SH3BGRL2: variants seen among roughly 807,000 people sequenced by gnomAD.
SH3BGRL2 encodes SH3 domain-binding glutamic acid-rich-like protein 2.
SH3BGRL2 carries 21 observed loss-of-function variants against 14.8 expected under a neutral mutation model. The observed-to-expected ratio is 1.42, with a 90% CI of 1.01 to 2.05. SH3BGRL2 has a LOEUF of 2.05. Ranked by LOEUF, SH3BGRL2 falls within the 30% of genes most tolerant of loss-of-function variation. The pLI, the probability that SH3BGRL2 is intolerant of heterozygous loss-of-function variation, is 0.00. For synonymous variants in SH3BGRL2, 50 were observed against 47.8 expected (o/e 1.05, Z -0.19); for missense variants, 147 against 130.8 (o/e 1.12, Z -0.61).
chr6:79,566,035 A>T, the SH3BGRL2 span, among the ~76,000 whole-genome samples: 7 of 152,176 alleles, frequency 4.6e-5, no homozygotes, highest in East Asian at 1.2e-3. Flanking sequence ...TCTAGTATTA[A>T]CTGAGATGAG....
At chr6:79,586,176 A>G in the SH3BGRL2 span, among the ~76,000 whole-genome samples, 2 of 150,848 alleles carry the variant, frequency 1.3e-5, no homozygotes, top group African/African-American at 4.9e-5. Flanking sequence ...AGCCTGGGCA[A>G]CAAGAGCGAA....
At chr6:79,573,297 T>A in the SH3BGRL2 span, among the ~76,000 whole-genome samples, 1 of 152,182 alleles carries the variant, frequency 6.6e-6, no homozygotes, top group Admixed American at 6.5e-5. Context: ...AAATCTCAAG[T>A]TTCCATACGG....
the SH3BGRL2 span, among the ~76,000 whole-genome samples, chr6:79,559,087 C>T: frequency 6.6e-6 from 1 of 152,084 alleles, no homozygotes; most frequent in Non-Finnish European, 1.5e-5. Flanking sequence ...TCATTCATTC[C>T]AGGTGTTCTC....
At chr6:79,602,207 A>T in the SH3BGRL2 span, among the ~76,000 whole-genome samples, 2 of 152,224 alleles carry the variant, frequency 1.3e-5, no homozygotes, top group African/African-American at 4.8e-5. Flanking sequence ...TAAACATTTC[A>T]AAAACGGTCT....
chr6:79,656,912 TTAAAA>T (rs1368223361), intron 1 of SH3BGRL2, among the ~76,000 whole-genome samples: 4 of 152,134 alleles, frequency 2.6e-5, no homozygotes, highest in Non-Finnish European at 4.4e-5. Context: ...TAACTATATA[TTAAAA>T]TAAAGAACAT....
chr6:79,600,486 G>A, the SH3BGRL2 span, among the ~76,000 whole-genome samples: 1 of 152,140 alleles, frequency 6.6e-6, no homozygotes, highest in Non-Finnish European at 1.5e-5. Flanking sequence ...GTGTGGTGAA[G>A]GACACTCTGC....
the SH3BGRL2 span, among the ~76,000 whole-genome samples, chr6:79,607,246 G>A: frequency 1.3e-5 from 2 of 152,142 alleles, no homozygotes; most frequent in African/African-American, 2.4e-5. Flanking sequence ...CAAAACCACA[G>A]CCTTGCAATA....
At position 79,673,611 on chromosome 6, in the gene SH3BGRL2, T is replaced by C. The variant is rs201817738; in HGVS notation, c.46-3T>C. 3.0e-4 allele frequency: 485 copies of C among 1,613,670 alleles called. No individual in the cohort carries two copies. The highest frequency in any genetic ancestry group is 1.3e-3 in the Middle Eastern group (8 of 6,058). ...TACTTATTTGTTTGTCTTCTCTCTT[T>C]AGATAAAGAAGAAGCAGCAAGATGT... is the stretch of plus-strand genomic sequence containing the variant. On this transcript the variant is annotated splice_polypyrimidine_tract_variant and splice_region_variant and intron_variant, in intron 1 of 3. Transcript: ENST00000369838.
At chr6:79,576,709 T>C in the SH3BGRL2 span, among the ~76,000 whole-genome samples, 1 of 152,158 alleles carries the variant, frequency 6.6e-6, no homozygotes, top group East Asian at 1.9e-4. Flanking sequence ...TTAAAAAATT[T>C]ATAAACCCAT....
chr6:79,659,958 A>G (rs1769509452), intron 1 of SH3BGRL2, among the ~76,000 whole-genome samples: 1 of 152,132 alleles, frequency 6.6e-6, no homozygotes, highest in Admixed American at 6.5e-5. Flanking sequence ...ATTGGTGTAT[A>G]AGAATGCTTG....
At chr6:79,558,882 TGCCAGAAAGTAA>T in the SH3BGRL2 span, among the ~76,000 whole-genome samples, 4 of 151,952 alleles carry the variant, frequency 2.6e-5, no homozygotes, top group African/African-American at 9.7e-5. Context: ...CATTTGAATA[TGCCAGAAAGTAA>T]GCAGCACTAA....
Position 79,673,612 on chromosome 6 carries a change from A to T in SH3BGRL2, c.46-2A>T, listed in dbSNP as rs1434615015. On this transcript the variant is annotated splice_acceptor_variant, in intron 1 of 3. Transcript: ENST00000369838. LOFTEE classifies it high-confidence loss of function. ...ACTTATTTGTTTGTCTTCTCTCTTT[A>T]GATAAAGAAGAAGCAGCAAGATGTG... The T allele has an allele frequency of 1.2e-6, 2 of 1,613,472 alleles. No homozygotes were observed. Among genetic ancestry groups the T allele is most frequent in the East Asian group, 4.5e-5 (2 of 44,892 alleles).
At chr6:79,695,447 C>T (rs1393701716) in intron 2 of SH3BGRL2, among the ~76,000 whole-genome samples, 1 of 152,156 alleles carries the variant, frequency 6.6e-6, no homozygotes, top group Non-Finnish European at 1.5e-5. Flanking sequence ...AGTCTAGATG[C>T]CGTTGGCTTG....
the SH3BGRL2 span, among the ~76,000 whole-genome samples, chr6:79,601,426 G>A: frequency 2.0e-5 from 3 of 152,124 alleles, no homozygotes; most frequent in East Asian, 5.8e-4. Context: ...CCACTCCTGG[G>A]CTCAAGTCAT....
intron 1 of SH3BGRL2, among the ~76,000 whole-genome samples, chr6:79,659,227 G>A (rs190395274): frequency 8.5e-5 from 13 of 152,240 alleles, no homozygotes; most frequent in Admixed American, 8.5e-4. Context: ...CCTATGTCCT[G>A]AATGGTATTG....
intron 1 of SH3BGRL2, among the ~76,000 whole-genome samples, chr6:79,651,382 C>T (rs899565074): frequency 2.0e-5 from 3 of 152,164 alleles, no homozygotes; most frequent in African/African-American, 7.2e-5. Context: ...TTATGCTTGG[C>T]TGACTTTTTT....
intron 1 of SH3BGRL2, among the ~76,000 whole-genome samples, chr6:79,632,900 C>T (rs72905713): frequency 0.1 from 15,317 of 152,230 alleles, 1,064 homozygotes; most frequent in East Asian, 0.31. Flanking sequence ...CTCTTGGTTT[C>T]ACCACCGACT....
chr6:79,625,436 C>A, the SH3BGRL2 span, among the ~76,000 whole-genome samples: 1 of 152,152 alleles, frequency 6.6e-6, no homozygotes, highest in East Asian at 1.9e-4. Flanking sequence ...ATTTAAGCTG[C>A]ATTATTTGAC....
the SH3BGRL2 span, among the ~76,000 whole-genome samples, chr6:79,617,482 T>G: frequency 6.6e-6 from 1 of 152,162 alleles, no homozygotes; most frequent in Non-Finnish European, 1.5e-5. Flanking sequence ...AGGTTAGCAT[T>G]TTCTTCTCTT....
Sources: allele counts gnomAD v4.1 joint callset (sites outside exome capture counted in the v4.1 genomes callset), GRCh38; gene constraint gnomAD v4.1.1; transcripts MANE v1.5; gene names NCBI Gene and HGNC (gene_info 2026-07-23, HGNC 2026-07-21).